LAMB4: variants seen among roughly 807,000 people sequenced by gnomAD.
LAMB4 encodes laminin subunit beta-4.
In LAMB4, 196 loss-of-function variants were observed where a neutral mutation model predicts 199.2. The ratio of observed to expected loss-of-function variants is 0.98; its 90% CI spans 0.88 to 1.11. The LOEUF is 1.11. LAMB4 is among the 50% of genes least tolerant of loss of function. LAMB4 has a pLI of 0.00. For synonymous variants in LAMB4, 744 were observed against 770.6 expected (o/e 0.97, Z 0.57); for missense variants, 2,080 against 2,171.2 (o/e 0.96, Z 0.83).
chr7:108,061,764 T>C (rs1037665243), intron 23 of LAMB4, among the ~76,000 whole-genome samples: 2 of 144,646 alleles, frequency 1.4e-5, no homozygotes, highest in Non-Finnish European at 3.0e-5. Flanking sequence ...AAAAAAGATA[T>C]GGTGTTTGTG....
chr7:108,112,499 G>GC (rs5886440), intron 3 of LAMB4, among the ~76,000 whole-genome samples: 59,896 of 151,554 alleles, frequency 0.4, 12,126 homozygotes, highest in Non-Finnish European at 0.42. Flanking sequence ...CACCATGTTG[G>GC]CAGGCTGGGT....
chr7:108,038,838 T>C (rs757532766), intron 29 of LAMB4, among the ~76,000 whole-genome samples: 6 of 152,126 alleles, frequency 3.9e-5, no homozygotes, highest in Non-Finnish European at 5.9e-5. Flanking sequence ...ACAATTCCCA[T>C]AGGGAAGCTA....
Position 108,077,083 on chromosome 7 carries a change from A to G in LAMB4, c.2004-19T>C, listed in dbSNP as rs2036731524. ...CATGATTCTGTATTAAGAAAGATAA[A>G]GCAAAAATTCAGACCACAGAAATAC... On this transcript the variant is annotated intron_variant, in intron 16 of 33. Coordinates refer to ENST00000388781, the MANE Select transcript of LAMB4 (RefSeq NM_007356.3). The G allele has an allele frequency of 6.2e-7, 1 of 1,611,458 alleles. No homozygotes were observed. Among genetic ancestry groups the G allele is most frequent in the Non-Finnish European group, 8.5e-7 (1 of 1,178,586 alleles).
chr7:108,026,049 G>T (rs1344150183), intron 33 of LAMB4, among the ~76,000 whole-genome samples: 2 of 152,104 alleles, frequency 1.3e-5, no homozygotes, highest in African/African-American at 2.4e-5. Context: ...CATCCCTCAG[G>T]CTCCTGTGGG....
rs982045901 is a variant in LAMB4 at position 108,037,692 on chromosome 7, G to T, written c.4472-97C>A. 7.0e-6 allele frequency: 6 copies of T among 863,026 alleles called. No homozygotes were observed. The African/African-American group carries it at 8.5e-5, about 12-fold the overall frequency. The allele number at this position is 863,026 out of a possible 1,614,324, so 53.5% of individuals were successfully genotyped here. A position where few individuals can be genotyped will look rare whatever the true frequency, so the allele number is the denominator to read the frequency against. ...AATGATGTCTCAGCCAAATGCACTT[G>T]CACTTGATTATGTGCCCCTAGAATA... is the stretch of plus-strand genomic sequence containing the variant. On this transcript the variant is annotated intron_variant, in intron 29 of 33. Coordinates refer to ENST00000388781, the MANE Select transcript of LAMB4 (RefSeq NM_007356.3).
At chr7:108,127,227 A>G (rs1306833605) in intron 1 of LAMB4, among the ~76,000 whole-genome samples, 34 of 141,984 alleles carry the variant, frequency 2.4e-4, no homozygotes, top group Non-Finnish European at 4.1e-4. Flanking sequence ...CCCGGGTCAC[A>G]TTCCATACCA....
chr7:108,033,269 G>A (rs1348782336), intron 31 of LAMB4, among the ~76,000 whole-genome samples: 1 of 152,176 alleles, frequency 6.6e-6, no homozygotes, highest in African/African-American at 2.4e-5. Context: ...ACAGCCTGTG[G>A]TCATGTTTTG....
chr7:108,025,002 C>G (rs1170241817), intron 33 of LAMB4, among the ~76,000 whole-genome samples: 6 of 152,200 alleles, frequency 3.9e-5, no homozygotes, highest in African/African-American at 1.4e-4. Flanking sequence ...TTGGTCAGAT[C>G]ACACCTGAAT....
At chr7:108,074,539 T>C (rs934826249) in intron 17 of LAMB4, among the ~76,000 whole-genome samples, 5 of 152,068 alleles carry the variant, frequency 3.3e-5, no homozygotes, top group Non-Finnish European at 5.9e-5. Flanking sequence ...TGACTAATTT[T>C]TGTATTTTCA....
chr7:108,129,595 T>C (rs1469015371), intron 1 of LAMB4, among the ~76,000 whole-genome samples: 15 of 152,016 alleles, frequency 9.9e-5, no homozygotes, highest in Non-Finnish European at 1.5e-5. Flanking sequence ...TGTAGTACAG[T>C]GGCACATTCT....
At chr7:108,057,395 T>C (rs1357384618) in intron 24 of LAMB4, among the ~76,000 whole-genome samples, 1 of 152,148 alleles carries the variant, frequency 6.6e-6, no homozygotes, top group Admixed American at 6.5e-5. Context: ...ATTCAGAATG[T>C]GCATTTGAAT....
At chr7:108,014,671 A>G in the LAMB4 span, among the ~76,000 whole-genome samples, 1 of 152,160 alleles carries the variant, frequency 6.6e-6, no homozygotes, top group Non-Finnish European at 1.5e-5. Flanking sequence ...ATTGCTGTAT[A>G]GAATGTATGA....
chr7:108,130,084 A>G (rs369247263), intron 1 of LAMB4, among the ~76,000 whole-genome samples: 4 of 152,228 alleles, frequency 2.6e-5, no homozygotes, highest in African/African-American at 9.6e-5. Context: ...GCTTCATATC[A>G]CAATGCACTA....
chr7:108,093,402 C>A (rs2037485028), intron 12 of LAMB4, among the ~76,000 whole-genome samples: 1 of 152,196 alleles, frequency 6.6e-6, no homozygotes, highest in South Asian at 2.1e-4. Context: ...GGTTCCCTTA[C>A]CACAACAACC....
At chr7:108,059,214 T>TCCTG (rs1216102013) in intron 23 of LAMB4, among the ~76,000 whole-genome samples, 3 of 147,944 alleles carry the variant, frequency 2.0e-5, no homozygotes, top group African/African-American at 7.4e-5. Flanking sequence ...CACACCATTC[T>TCCTG]CCTGCCTCAG....
Position 108,041,886 on chromosome 7 carries a change from A to G in LAMB4, c.4471+1866T>C, listed in dbSNP as rs377612205. 1.1e-4 allele frequency among the ~76,000 whole-genome samples: 17 copies of G among 152,300 alleles called. No homozygotes were observed. The East Asian group carries it at 2.3e-3, about 21-fold the overall frequency. On this transcript the variant is annotated intron_variant, in intron 29 of 33. Coordinates refer to ENST00000388781, the MANE Select transcript of LAMB4 (RefSeq NM_007356.3). ...CCTGCACATGTACCTCTGAACTTAA[A>G]AGTTAAAAAAAAAGTTCGAATGAAA...
chr7:108,064,733 A>T (rs1202544918), intron 21 of LAMB4, among the ~76,000 whole-genome samples: 1 of 152,176 alleles, frequency 6.6e-6, no homozygotes, highest in Non-Finnish European at 1.5e-5. Flanking sequence ...TGTTAACCTT[A>T]GATGTAACAA....
At chr7:108,049,586 ATATAAG>A in intron 26 of LAMB4, 55 bp from the exon 27 acceptor site, 2 of 958,998 alleles carry the variant, frequency 2.1e-6, no homozygotes, top group South Asian at 3.2e-5. Flanking sequence ...ATGAAATTAT[ATATAAG>A]TTATTAAGAT....
chr7:108,084,489 G>A (rs910082489), intron 14 of LAMB4, among the ~76,000 whole-genome samples: 6 of 151,548 alleles, frequency 4.0e-5, no homozygotes, highest in African/African-American at 7.3e-5. Context: ...AATTTTTTGC[G>A]ACAGTGGAGC....
Sources: gnomAD v4.1 joint callset for allele counts (sites outside exome capture counted in the v4.1 genomes callset) on GRCh38, gnomAD v4.1.1 for gene constraint, MANE v1.5 for transcripts, NCBI Gene and HGNC (gene_info 2026-07-23, HGNC 2026-07-21) for gene names.